TJP1: variants seen among roughly 807,000 people sequenced by gnomAD.
TJP1 encodes tight junction protein ZO-1.
Under a neutral mutation model 194.2 loss-of-function variants are expected in TJP1, and 43 were observed. The observed-to-expected ratio is 0.22, with a 90% confidence interval of 0.17 to 0.29. TJP1 has a LOEUF of 0.29. TJP1 is among the 10% of genes least tolerant of loss of function. The probability of loss-of-function intolerance (pLI) is 1.00; values close to 1 mark genes in which losing one functional copy is unlikely to be tolerated. For synonymous variants in TJP1, 801 were observed against 779.0 expected (o/e 1.03, Z -0.47); for missense variants, 1,971 against 2,185.7 (o/e 0.90, Z 1.96).
At chr15:29,713,705 G>A (rs2042381585) in intron 23 of TJP1, among the ~76,000 whole-genome samples, 1 of 152,152 alleles carries the variant, frequency 6.6e-6, no homozygotes, top group African/African-American at 2.4e-5. Context: ...CATTACAAGG[G>A]AAACTTACAG....
At chr15:29,751,578 G>A (rs1176151241) in intron 8 of TJP1, among the ~76,000 whole-genome samples, 3 of 152,166 alleles carry the variant, frequency 2.0e-5, no homozygotes, top group Non-Finnish European at 2.9e-5. Flanking sequence ...AAGCCCAAGA[G>A]GACTTTTGTC....
chr15:29,714,899 A>G (rs2042468369), intron 23 of TJP1, among the ~76,000 whole-genome samples: 1 of 152,212 alleles, frequency 6.6e-6, no homozygotes. Context: ...TAAATAAGAG[A>G]TATCTTTAAA....
At chr15:29,792,981 C>A (rs2151827606) in intron 2 of TJP1, among the ~76,000 whole-genome samples, 1 of 152,338 alleles carries the variant, frequency 6.6e-6, no homozygotes, top group Non-Finnish European at 1.5e-5. Context: ...TGCAATTTTA[C>A]TAAACCTCAG....
In TJP1 at chr15:29,718,121, G is replaced by GT. The variant is rs1242846655; in HGVS notation, c.3877-4dup. 1 of 1,253,464 alleles carries GT rather than the reference G, an allele frequency of 8.0e-7. No individual in the cohort carries two copies. The allele number at this position is 1,253,464 out of a possible 1,614,324, so 77.6% of individuals were successfully genotyped here. ...GGTTTAGATGCTACTTCTGGAGGCT[G>GT]TTTAAAAAAAAAAAAAAAAAAAAGA... On this transcript the variant is annotated splice_polypyrimidine_tract_variant and splice_region_variant and intron_variant, in intron 21 of 27. Transcript: ENST00000614355.
At position 29,719,885 on chromosome 15, in the gene TJP1, G is replaced by A. The variant is rs2151129753; in HGVS notation, c.2895C>T (p.Thr965=). 3 of 1,614,012 alleles carry A rather than the reference G, an allele frequency of 1.9e-6. No individual in the cohort carries two copies. The highest frequency in any genetic ancestry group is 2.5e-6 in the Non-Finnish European group (3 of 1,179,998). Residue 965 remains threonine, a synonymous_variant, in exon 20 of 28, where the codon ACC becomes ACT. Coordinates refer to ENST00000614355, the MANE Select transcript of TJP1 (RefSeq NM_001330239.4). ...RLEEPTPAPS[T]SYSPQADSLR... ...AAGAATCAGCTTGTGGTGAGTAAGA[G>A]GTGGAAGGAGCTGGGGTGGGCTCCT...
chr15:29,700,354 G>A lies in TJP1; in HGVS notation c.*1241C>T. 2.5e-6 allele frequency: 1 copy of A among 398,828 alleles called. No individual in the cohort carries two copies. The highest frequency in any genetic ancestry group is 1.3e-4 in the South Asian group (1 of 7,850). 24.7% of individuals were successfully genotyped at this position (398,828 alleles called of 1,614,324 possible). On this transcript the variant is annotated 3_prime_UTR_variant, in exon 28 of 28. Coordinates refer to ENST00000614355, the MANE Select transcript of TJP1 (RefSeq NM_001330239.4). ...GCATTGTATCACAAATTACAGTAGG[G>A]ATACTTTGCAAGAATTTAATCAAAC...
intron 2 of TJP1, among the ~76,000 whole-genome samples, chr15:29,853,598 T>C (rs1267898334): frequency 6.6e-6 from 1 of 152,188 alleles, no homozygotes; most frequent in East Asian, 1.9e-4. Flanking sequence ...TACACACTTT[T>C]AGGTGGCTGT....
intron 2 of TJP1, among the ~76,000 whole-genome samples, chr15:29,784,813 C>A (rs77583271): frequency 1.3e-5 from 2 of 151,852 alleles, no homozygotes; most frequent in South Asian, 4.2e-4. Flanking sequence ...CAAGATTAAA[C>A]GAGGATTAAA....
chr15:29,795,123 T>C (rs1250734679), intron 2 of TJP1, among the ~76,000 whole-genome samples: 1 of 152,118 alleles, frequency 6.6e-6, no homozygotes, highest in South Asian at 2.1e-4. Context: ...GACAAATATT[T>C]TGAAAGACAC....
intron 2 of TJP1, among the ~76,000 whole-genome samples, chr15:29,833,881 A>ATATATATATTT (rs1555434000): frequency 5.6e-4 from 7 of 12,550 alleles, no homozygotes; most frequent in Admixed American, 1.3e-3. Context: ...ATATATATAT[A>ATATATATATTT]TTTTTTTTTT....
At chr15:29,748,552 ACCTT>A (rs1287412784) in intron 8 of TJP1, among the ~76,000 whole-genome samples, 2 of 144,338 alleles carry the variant, frequency 1.4e-5, no homozygotes, top group Non-Finnish European at 3.0e-5. Flanking sequence ...TTTTTCCCAA[ACCTT>A]CCTAATTCTT....
chr15:29,711,041 C>T lies in TJP1; in HGVS notation c.4203-41G>A, dbSNP rs147805725. 8.9e-5 allele frequency: 134 copies of T among 1,513,292 alleles called. No individual in the cohort carries two copies. In the African/African-American group the frequency reaches 1.7e-3, roughly 20 times the overall value. 93.7% of individuals were successfully genotyped at this position (1,513,292 alleles called of 1,614,324 possible). A position where few individuals can be genotyped will look rare whatever the true frequency, so the allele number is the denominator to read the frequency against. On this transcript the variant is annotated intron_variant, in intron 23 of 27. Transcript: ENST00000614355. ...GAAAATGCCAACACCTGAAAATGGACTCACATTTACAAAACAAGTTCTCAT... is the reference window on the plus strand; with the variant it reads ...GAAAATGCCAACACCTGAAAATGGATTCACATTTACAAAACAAGTTCTCAT...
rs1354214511 is a variant in TJP1 at position 29,718,752 on chromosome 15, T to C, written c.3390A>G (p.Pro1130=). 2 of 1,614,000 alleles carry C rather than the reference T, an allele frequency of 1.2e-6. No homozygotes were observed. Among genetic ancestry groups the C allele is most frequent in the Non-Finnish European group, 1.7e-6 (2 of 1,180,024 alleles). ...ACAGAGGGGCTGGCTCTTCAAAACG[T>C]GGAAAGTACCCTCGTTCTGAGGACT... ...PEESSERGYF[P]RFEEPAPLSY... is the part of the protein sequence containing the mutation. The change falls in exon 21 of 28, where the codon CCA becomes CCG. Residue 1130 remains proline, a synonymous_variant. Transcript: ENST00000614355.
At chr15:29,849,342 A>G (rs2051545322) in intron 2 of TJP1, among the ~76,000 whole-genome samples, 1 of 151,964 alleles carries the variant, frequency 6.6e-6, no homozygotes, top group African/African-American at 2.4e-5. Context: ...ACAAAGTCTT[A>G]GATACTCAGC....
intron 2 of TJP1, among the ~76,000 whole-genome samples, chr15:29,911,916 A>G (rs1320936800): frequency 6.6e-6 from 1 of 152,218 alleles, no homozygotes; most frequent in Middle Eastern, 3.2e-3. Context: ...AAAATAAGGC[A>G]TGATTTGGAT....
intron 23 of TJP1, among the ~76,000 whole-genome samples, chr15:29,713,646 TATTTTCCA>T (rs1175547191): frequency 6.6e-6 from 1 of 152,240 alleles, no homozygotes; most frequent in Non-Finnish European, 1.5e-5. Context: ...TATTTTAAGC[TATTTTCCA>T]GTTGATGAAG....
At chr15:29,741,235 T>TA (rs2044393291) in intron 10 of TJP1, 96 bp downstream of exon 10, 2 of 884,232 alleles carry the variant, frequency 2.3e-6, no homozygotes, top group Non-Finnish European at 3.5e-6. Flanking sequence ...TGTACTATTT[T>TA]AAAAAATATA....
intron 2 of TJP1, among the ~76,000 whole-genome samples, chr15:29,903,496 G>A (rs779775587): frequency 4.6e-5 from 7 of 151,976 alleles, no homozygotes; most frequent in South Asian, 4.2e-4. Flanking sequence ...CCAGGCTGGA[G>A]TGCAGTGGAG....
intron 1 of TJP1, among the ~76,000 whole-genome samples, chr15:29,964,848 TGAA>T (rs2056278314): frequency 6.6e-6 from 1 of 152,178 alleles, no homozygotes; most frequent in South Asian, 2.1e-4. Flanking sequence ...CTAAATTTCT[TGAA>T]GAAGGGGATG....
Sources: allele counts gnomAD v4.1 joint callset (sites outside exome capture counted in the v4.1 genomes callset), GRCh38; gene constraint gnomAD v4.1.1; transcripts MANE v1.5; gene names NCBI Gene and HGNC (gene_info 2026-07-23, HGNC 2026-07-21).